RTTN: variants seen among roughly 807,000 people sequenced by gnomAD.
RTTN encodes rotatin.
Under a neutral mutation model 269.2 loss-of-function variants are expected in RTTN, and 182 were observed. That is an observed-to-expected ratio of 0.68 (90% CI 0.60 to 0.76). The LOEUF is 0.76. Among genes scored for constraint, RTTN ranks in the 30% least tolerant of loss-of-function variants. The pLI, the probability that RTTN is intolerant of heterozygous loss-of-function variation, is 0.00. For missense variants in RTTN, 2,545 were observed against 2,608.6 expected, an observed-to-expected ratio of 0.98 and a Z score of 0.53; for synonymous variants, 1,006 against 963.5, an observed-to-expected ratio of 1.04 and a Z score of -0.82.
intron 14 of RTTN, among the ~76,000 whole-genome samples, chr18:70,152,244 TG>T (rs2060557981): frequency 6.6e-6 from 1 of 152,004 alleles, no homozygotes; most frequent in Non-Finnish European, 1.5e-5. Context: ...ATACCTAATC[TG>T]GGCTCCACAC....
At chr18:70,041,380 G>GCACACACACA in intron 40 of RTTN, among the ~76,000 whole-genome samples, 1 of 147,502 alleles carries the variant, frequency 6.8e-6, no homozygotes, top group South Asian at 2.2e-4. Flanking sequence ...AAATGGGATT[G>GCACACACACA]CACACACACA....
At chr18:70,063,965 C>CTT (rs35413593) in intron 35 of RTTN, among the ~76,000 whole-genome samples, 2,132 of 131,102 alleles carry the variant, frequency 0.016, 61 homozygotes, top group African/African-American at 0.032. Flanking sequence ...CTTTTATATG[C>CTT]TTTTTTTTTT....
At chr18:70,134,173 G>A (rs985628770) in intron 23 of RTTN, among the ~76,000 whole-genome samples, 1 of 151,970 alleles carries the variant, frequency 6.6e-6, no homozygotes, top group Admixed American at 6.6e-5. Flanking sequence ...ATATATATTA[G>A]GAGAGAGAAA....
chr18:70,047,769 G>A (rs531158011), intron 40 of RTTN, among the ~76,000 whole-genome samples: 7 of 152,272 alleles, frequency 4.6e-5, no homozygotes, highest in South Asian at 4.1e-4. Context: ...ATTCACTGAA[G>A]AAACTGGTCA....
chr18:70,156,672 C>T (rs959004456), intron 14 of RTTN, among the ~76,000 whole-genome samples: 4 of 152,122 alleles, frequency 2.6e-5, no homozygotes, highest in Non-Finnish European at 5.9e-5. Flanking sequence ...TGATGTCTCC[C>T]CCGGACGCCC....
intron 23 of RTTN, among the ~76,000 whole-genome samples, chr18:70,132,663 T>C (rs2060027081): frequency 6.6e-6 from 1 of 152,042 alleles, no homozygotes; most frequent in African/African-American, 2.4e-5. Flanking sequence ...GAAACATTGA[T>C]AGCTTTAAAT....
Position 70,092,196 on chromosome 18 carries a change from G to A in RTTN, c.4057C>T (p.Pro1353Ser). The A allele has an allele frequency of 3.1e-6, 5 of 1,611,674 alleles. No homozygotes were observed. The highest frequency in any genetic ancestry group is 4.2e-6 in the Non-Finnish European group (5 of 1,178,022). Residue 1353 changes from proline (P) to serine (S), a missense_variant, in exon 30 of 49, where the codon CCT becomes TCT. Pro to Ser is a moderately conservative substitution (Grantham distance 74). Transcript: ENST00000640769. ...TGTTCTTCACTATGACTACCCAAAGGCAAGAACCAAAGTGACATCCACTCC... is the reference window on the plus strand; with the variant it reads ...TGTTCTTCACTATGACTACCCAAAGACAAGAACCAAAGTGACATCCACTCC... Reference protein sequence around the residue: ...SLEWMSLWFLPLGSHSEEHIP... With the variant: ...SLEWMSLWFLSLGSHSEEHIP...
chr18:70,014,979 T>C (rs372528630), intron 46 of RTTN, among the ~76,000 whole-genome samples: 1 of 152,310 alleles, frequency 6.6e-6, no homozygotes, highest in East Asian at 1.9e-4. Flanking sequence ...TCAGTTTTTG[T>C]GATTATTTTG....
chr18:70,199,424 A>T lies in RTTN; in HGVS notation c.568T>A (p.Ser190Thr). ...CATCAAGCACCGTACCTTTCATTAG[A>T]GGAGAGGACATGTCTGTCTGTGGTG... is the stretch of plus-strand genomic sequence containing the variant. ...LTTTDRHVLS[S>T]NESSLRSSNH... The change falls in exon 5 of 49, where the codon TCT (serine) becomes ACT (threonine). Residue 190 changes from serine (S) to threonine (T), a missense_variant. Physicochemically the swap from Ser to Thr is moderately conservative, Grantham distance 58. Coordinates refer to ENST00000640769, the MANE Select transcript of RTTN (RefSeq NM_173630.4). The T allele has an allele frequency of 6.2e-7, 1 of 1,608,550 alleles. No individual in the cohort carries two copies. The highest frequency in any genetic ancestry group is 8.5e-7 in the Non-Finnish European group (1 of 1,175,146).
chr18:70,052,541 A>T (rs2057699634), intron 38 of RTTN, among the ~76,000 whole-genome samples: 1 of 151,908 alleles, frequency 6.6e-6, no homozygotes, highest in African/African-American at 2.4e-5. Flanking sequence ...GCCGAATAAA[A>T]CATTTAAGCT....
chr18:70,007,332 C>T, intron 46 of RTTN: 1 of 153,686 alleles, frequency 6.5e-6, no homozygotes, highest in Non-Finnish European at 1.4e-5. Flanking sequence ...AGCTGGGCAG[C>T]CATTTGGGCA....
intron 37 of RTTN, among the ~76,000 whole-genome samples, chr18:70,055,127 T>C (rs550477474): frequency 6.6e-6 from 1 of 152,322 alleles, no homozygotes; most frequent in South Asian, 2.1e-4. Flanking sequence ...TGCCTGATGC[T>C]AATATTGTTA....
At chr18:70,025,403 G>C (rs1880695923) in intron 43 of RTTN, among the ~76,000 whole-genome samples, 1 of 152,118 alleles carries the variant, frequency 6.6e-6, no homozygotes, top group African/African-American at 2.4e-5. Context: ...GTTACCCTGG[G>C]ACAATATTGC....
chr18:70,097,862 G>A (rs1188270417), intron 28 of RTTN, among the ~76,000 whole-genome samples: 2 of 152,186 alleles, frequency 1.3e-5, no homozygotes, highest in East Asian at 3.9e-4. Flanking sequence ...TAAAGTCTTT[G>A]CACGTAATTT....
intron 23 of RTTN, chr18:70,129,259 G>A (rs145992954): frequency 6.6e-6 from 1 of 151,532 alleles, no homozygotes; most frequent in South Asian, 2.1e-4. Flanking sequence ...ATCCTAAAAG[G>A]AACAAAAAGA....
At chr18:70,133,302 G>A (rs2060042531) in intron 23 of RTTN, among the ~76,000 whole-genome samples, 1 of 152,142 alleles carries the variant, frequency 6.6e-6, no homozygotes, top group Admixed American at 6.6e-5. Flanking sequence ...TAGTGAGGAT[G>A]TGGGGCAGCT....
chr18:70,149,238 A>T (rs1301419371), intron 16 of RTTN, among the ~76,000 whole-genome samples: 1 of 152,184 alleles, frequency 6.6e-6, no homozygotes, highest in African/African-American at 2.4e-5. Context: ...ACACATACAT[A>T]CAGGAGAACT....
chr18:70,073,581 C>T (rs142067786), intron 34 of RTTN, among the ~76,000 whole-genome samples: 1,884 of 152,220 alleles, frequency 0.012, 23 homozygotes, highest in South Asian at 0.039. Context: ...GTTGAAAATT[C>T]TCAACTAAAG....
chr18:70,110,867 G>T (rs2059446977), intron 27 of RTTN, among the ~76,000 whole-genome samples: 2 of 152,238 alleles, frequency 1.3e-5, no homozygotes, highest in Non-Finnish European at 2.9e-5. Flanking sequence ...GGACGCTAGA[G>T]CTTGGTGAGG....
Sources: allele counts gnomAD v4.1 joint callset (sites outside exome capture counted in the v4.1 genomes callset), GRCh38; gene constraint gnomAD v4.1.1; transcripts MANE v1.5; gene names NCBI Gene and HGNC (gene_info 2026-07-23, HGNC 2026-07-21).